Variants in UGT2B7 observed in about 807,000 individuals in gnomAD.
The protein encoded by UGT2B7 is UDP-glucuronosyltransferase 2B7.
UGT2B7 carries 51 observed loss-of-function variants against 51.9 expected under a neutral mutation model. The observed-to-expected ratio is 0.98, with a 90% CI of 0.78 to 1.24. The LOEUF (loss-of-function observed/expected upper bound fraction) is 1.24. UGT2B7 is among the 50% of genes most tolerant of loss of function. The probability of loss-of-function intolerance (pLI) is 0.00; values close to 1 mark genes in which losing one functional copy is unlikely to be tolerated. For synonymous variants in UGT2B7, 225 were observed against 211.6 expected (o/e 1.06, Z -0.55); for missense variants, 727 against 628.4 (o/e 1.16, Z -1.68).
rs1719239304 is a variant in UGT2B7, at chr4:69,096,695, T to TA, written c.175_176insA (p.Ser59TyrfsTer7). On this transcript the variant is annotated frameshift_variant, in exon 1 of 6. Coordinates refer to ENST00000305231, the MANE Select transcript of UGT2B7 (RefSeq NM_001074.4). LOFTEE classifies it high-confidence loss of function. Reference sequence around the variant, plus strand: ...TCATGAGGTGACTGTACTGGCATCTTCAGCTTCCATTCTTTTTGATCCCAA... The same window carrying TA: ...TCATGAGGTGACTGTACTGGCATCTTACAGCTTCCATTCTTTTTGATCCCAA... The TA allele has an allele frequency of 1.2e-6, 2 of 1,613,936 alleles. No individual in the cohort carries two copies. Among genetic ancestry groups the TA allele is most frequent in the East Asian group, 4.5e-5 (2 of 44,882 alleles).
At chr4:69,052,478 A>T in intron 1 of UGT2B7, among the ~76,000 whole-genome samples, 1 of 150,896 alleles carries the variant, frequency 6.6e-6, no homozygotes, top group Middle Eastern at 3.4e-3. Context: ...AGTGTAACAC[A>T]TATTATGGTA....
intron 1 of UGT2B7, among the ~76,000 whole-genome samples, chr4:69,087,582 A>G (rs1718990612): frequency 6.6e-6 from 1 of 151,960 alleles, no homozygotes. Context: ...TTTTCTTTCC[A>G]ATAAAACAAT....
chr4:69,060,413 C>A (rs1443848641), intron 1 of UGT2B7, among the ~76,000 whole-genome samples: 1 of 152,120 alleles, frequency 6.6e-6, no homozygotes, highest in African/African-American at 2.4e-5. Context: ...CATGGCTAAG[C>A]CATTATATGA....
intron 1 of UGT2B7, among the ~76,000 whole-genome samples, chr4:69,053,217 T>C (rs982430136): frequency 2.6e-5 from 4 of 152,164 alleles, no homozygotes; most frequent in African/African-American, 9.6e-5. Context: ...AATATAAAGG[T>C]AAAATTTAGC....
chr4:69,110,633 T>C (rs1055909596), intron 5 of UGT2B7, among the ~76,000 whole-genome samples: 1 of 152,020 alleles, frequency 6.6e-6, no homozygotes, highest in East Asian at 1.9e-4. Context: ...AAGACACTAA[T>C]GAGTACGTAT....
chr4:69,089,454 A>G (rs1392766950), intron 1 of UGT2B7: 2 of 152,210 alleles, frequency 1.3e-5, no homozygotes, highest in Non-Finnish European at 2.9e-5. Context: ...TATGATGCAG[A>G]AATTATTTTC....
chr4:69,055,587 A>G (rs1333432267), intron 1 of UGT2B7, among the ~76,000 whole-genome samples: 1 of 152,214 alleles, frequency 6.6e-6, no homozygotes, highest in African/African-American at 2.4e-5. Flanking sequence ...AGTACCCGAG[A>G]TTCCAGGAAA....
In UGT2B7 at chr4:69,106,195, G is replaced by A. The variant is rs1343338018; in HGVS notation, c.1003-980G>A. The stretch of plus-strand genomic sequence containing the variant: ...GTCATGGGGGGTTATTGTACTGTTC[G>A]TTTCATCACCCAGATATTAAGGCTA... On this transcript the variant is annotated intron_variant, in intron 3 of 5. Transcript: ENST00000305231. Among the ~76,000 whole-genome samples the A allele has an allele frequency of 5.3e-5, 8 of 151,864 alleles. No individual in the cohort carries two copies. In the South Asian group the frequency reaches 8.3e-4, roughly 16 times the overall value.
intron 1 of UGT2B7, among the ~76,000 whole-genome samples, chr4:69,062,868 T>C (rs1286944581): frequency 1.3e-5 from 2 of 152,176 alleles, no homozygotes; most frequent in Non-Finnish European, 2.9e-5. Flanking sequence ...CTTTGTATTA[T>C]TCATTATATT....
chr4:69,057,335 T>TACAC (rs370502012), intron 1 of UGT2B7, among the ~76,000 whole-genome samples: 1 of 149,902 alleles, frequency 6.7e-6, no homozygotes, highest in Admixed American at 6.7e-5. Context: ...CTTGTCCTGC[T>TACAC]ACACACACAC....
intron 1 of UGT2B7, among the ~76,000 whole-genome samples, chr4:69,080,547 C>CAA (rs200513314): frequency 0.57 from 75,351 of 132,396 alleles, 21,324 homozygotes; most frequent in East Asian, 0.7. Flanking sequence ...GACTCCGTCT[C>CAA]AAAAAAAAAA....
upstream of UGT2B7, among the ~76,000 whole-genome samples, chr4:69,093,922 T>C (rs1719150707): frequency 6.6e-6 from 1 of 152,206 alleles, no homozygotes; most frequent in Non-Finnish European, 1.5e-5. Context: ...ACCCCTTCTG[T>C]TCATCTTTGT....
chr4:69,094,808 A>T (rs181455316), upstream of UGT2B7, among the ~76,000 whole-genome samples: 597 of 152,334 alleles, frequency 3.9e-3, 5 homozygotes, highest in African/African-American at 0.014. Flanking sequence ...TCTTCTTTCA[A>T]AATTGGAATT....
chr4:69,107,949 C>G (rs4588522), intron 4 of UGT2B7, among the ~76,000 whole-genome samples, 154 bp from the exon 5 acceptor site: 89,793 of 152,032 alleles, frequency 0.59, 27,892 homozygotes, highest in African/African-American at 0.77. Flanking sequence ...GTTACATACC[C>G]AGTACAAGTA....
chr4:69,051,545 C>T (rs1466161203), exon 1 of UGT2B7: 1 of 152,352 alleles, frequency 6.6e-6, no homozygotes. Flanking sequence ...AGAGGATTAA[C>T]ACAGTGGCTG....
intron 5 of UGT2B7, among the ~76,000 whole-genome samples, chr4:69,109,689 G>T (rs1490033759): frequency 6.6e-6 from 1 of 151,850 alleles, no homozygotes; most frequent in East Asian, 1.9e-4. Flanking sequence ...TTTACTTTTT[G>T]ATGTTGGTCT....
At chr4:69,069,092 A>G (rs1023965038) in intron 1 of UGT2B7, among the ~76,000 whole-genome samples, 6 of 146,588 alleles carry the variant, frequency 4.1e-5, no homozygotes, top group African/African-American at 1.6e-4. Flanking sequence ...AAAACTTGGA[A>G]CAGATACTTT....
At chr4:69,094,964 G>A (rs1250576234), upstream of UGT2B7, among the ~76,000 whole-genome samples, 3 of 152,160 alleles carry the variant, frequency 2.0e-5, no homozygotes, top group African/African-American at 4.8e-5. Flanking sequence ...TCCAAAAGTA[G>A]TAACTCCTCA....
At chr4:69,084,909 G>A (rs1718915575) in intron 1 of UGT2B7, among the ~76,000 whole-genome samples, 2 of 152,094 alleles carry the variant, frequency 1.3e-5, no homozygotes, top group African/African-American at 2.4e-5. Flanking sequence ...TTGCTATTGT[G>A]AATAATGCTG....
Sources: gnomAD v4.1 joint callset for allele counts (sites outside exome capture counted in the v4.1 genomes callset) on GRCh38, gnomAD v4.1.1 for gene constraint, MANE v1.5 for transcripts, NCBI Gene and HGNC (gene_info 2026-07-23, HGNC 2026-07-21) for gene names.